Variants in SHTN1 observed in about 807,000 individuals in gnomAD.
The protein encoded by SHTN1 is shootin-1.
Under a neutral mutation model 83.1 loss-of-function variants are expected in SHTN1, and 42 were observed. That is an observed-to-expected ratio of 0.51 (90% CI 0.39 to 0.65). SHTN1 has a LOEUF of 0.65. Ranked by LOEUF, SHTN1 falls within the 30% of genes least tolerant of loss-of-function variation. The pLI, the probability that SHTN1 is intolerant of heterozygous loss-of-function variation, is 0.00. For missense variants in SHTN1, 622 were observed against 737.8 expected (o/e 0.84, Z 1.82); for synonymous variants, 224 against 247.7 (o/e 0.90, Z 0.90).
At chr10:116,911,372 T>C (rs941712974) in intron 14 of SHTN1, 2 of 1,269,942 alleles carry the variant, frequency 1.6e-6, no homozygotes, top group Non-Finnish European at 1.1e-6. Flanking sequence ...GACCCTGATA[T>C]GAAGCTATTT....
rs1434283020 is a variant in SHTN1 at position 116,885,753 on chromosome 10, A to G, written c.*591T>C. On this transcript the variant is annotated 3_prime_UTR_variant, in exon 17 of 17. Coordinates refer to ENST00000355371, the MANE Select transcript of SHTN1 (RefSeq NM_001127211.3). ...ATCAATAGCATGTATTTTTCATCCAATAGTTAACAATGTGTGTAATTAACA... is the reference window on the plus strand; with the variant it reads ...ATCAATAGCATGTATTTTTCATCCAGTAGTTAACAATGTGTGTAATTAACA... The G allele has an allele frequency of 6.6e-6, 1 of 152,652 alleles. No individual in the cohort carries two copies. The highest frequency in any genetic ancestry group is 1.5e-5 in the Non-Finnish European group (1 of 68,390). 9.5% of individuals were successfully genotyped at this position (152,652 alleles called of 1,614,324 possible).
At chr10:116,919,622 C>T (rs1175755422) in intron 12 of SHTN1, among the ~76,000 whole-genome samples, 1 of 152,054 alleles carries the variant, frequency 6.6e-6, no homozygotes, top group Non-Finnish European at 1.5e-5. Context: ...CAATTTCCCC[C>T]CAACCCTCTA....
In SHTN1 at chr10:116,921,492, T is replaced by C. The variant is rs1848565056; in HGVS notation, c.1137A>G (p.Lys379=). ...CACCACTGCCACTGGGGTGGGATCG[T>C]TTCCGGATCATGGACATGAGGGATC... ...PIRSLMSMIR[K]RSHPSGSGAK... is the part of the protein sequence containing the mutation. The change falls in exon 12 of 17, where the codon AAA becomes AAG. Residue 379 remains lysine (K), a synonymous_variant. Coordinates refer to ENST00000355371, the MANE Select transcript of SHTN1 (RefSeq NM_001127211.3). 8 of 1,613,726 alleles carry C rather than the reference T, an allele frequency of 5.0e-6. No homozygotes were observed. The highest frequency in any genetic ancestry group is 5.9e-6 in the Non-Finnish European group (7 of 1,179,788).
chr10:116,908,044 T>C (rs867128425), intron 14 of SHTN1: 2 of 442,762 alleles, frequency 4.5e-6, no homozygotes, highest in East Asian at 1.4e-4. Flanking sequence ...TGGTTACAAA[T>C]CTCATAATTA....
At chr10:116,888,547 C>A (rs1847234507) in intron 16 of SHTN1, among the ~76,000 whole-genome samples, 2 of 152,160 alleles carry the variant, frequency 1.3e-5, no homozygotes, top group African/African-American at 4.8e-5. Context: ...TAGAGCTGCA[C>A]CTATCTCTCT....
chr10:116,906,024 G>A (rs1847955582), intron 15 of SHTN1, among the ~76,000 whole-genome samples: 1 of 152,200 alleles, frequency 6.6e-6, no homozygotes, highest in African/African-American at 2.4e-5. Flanking sequence ...TCACAGGCAG[G>A]CACAGTAAGT....
intron 16 of SHTN1, among the ~76,000 whole-genome samples, chr10:116,896,221 A>G (rs138924537): frequency 6.7e-4 from 102 of 152,324 alleles, no homozygotes; most frequent in African/African-American, 2.3e-3. Flanking sequence ...AGATTTATGC[A>G]TTCTGTTGAT....
intron 16 of SHTN1, among the ~76,000 whole-genome samples, chr10:116,889,097 C>T (rs1847254140): frequency 6.6e-6 from 1 of 152,228 alleles, no homozygotes. Flanking sequence ...TACTAACCTT[C>T]ATCACTTCTG....
At chr10:116,907,965 C>A (rs1848040418) in intron 14 of SHTN1, 1 of 504,990 alleles carries the variant, frequency 2.0e-6, no homozygotes, top group African/African-American at 1.9e-5. Context: ...GTTGTTTTAG[C>A]CATTTTTACA....
At chr10:116,895,164 T>C (rs756832459) in intron 16 of SHTN1, among the ~76,000 whole-genome samples, 5 of 152,226 alleles carry the variant, frequency 3.3e-5, no homozygotes, top group African/African-American at 7.2e-5. Context: ...CTTTGTATTA[T>C]CATATTATCA....
chr10:116,994,797 G>T (rs140744810), intron 1 of SHTN1, among the ~76,000 whole-genome samples: 1 of 152,100 alleles, frequency 6.6e-6, no homozygotes, highest in African/African-American at 2.4e-5. Context: ...AATTGTAAAT[G>T]ATGTCTTTTT....
At chr10:116,992,852 T>C (rs1360535077) in intron 1 of SHTN1, among the ~76,000 whole-genome samples, 1 of 152,172 alleles carries the variant, frequency 6.6e-6, no homozygotes, top group Non-Finnish European at 1.5e-5. Flanking sequence ...AATGCATTTT[T>C]GAGGCCTCTT....
chr10:117,041,341 C>T (rs1468690949), intron 2 of SHTN1, among the ~76,000 whole-genome samples: 1 of 151,976 alleles, frequency 6.6e-6, no homozygotes, highest in Non-Finnish European at 1.5e-5. Flanking sequence ...TGTGACTCCT[C>T]GAATTTAGTA....
chr10:116,909,310 G>A (rs1033130747), intron 14 of SHTN1, among the ~76,000 whole-genome samples: 6 of 152,118 alleles, frequency 3.9e-5, no homozygotes, highest in Non-Finnish European at 8.8e-5. Context: ...TAATCTAATT[G>A]TCAGGCAAAA....
Position 116,930,015 on chromosome 10 carries a change from TAA to T in SHTN1, c.859-15_859-14del. 7 of 1,380,544 alleles carry T rather than the reference TAA, an allele frequency of 5.1e-6. No individual in the cohort carries two copies. The highest frequency in any genetic ancestry group is 5.2e-5 in the East Asian group (2 of 38,648). The allele number at this position is 1,380,544 out of a possible 1,614,324, so 85.5% of individuals were successfully genotyped here. A position where few individuals can be genotyped will look rare whatever the true frequency, so the allele number is the denominator to read the frequency against. ...CTAATTCTTTGACCTATAAGTTATT[TAA>T]AAAAAAAAGACTTTTATGGCTGACA... is the stretch of plus-strand genomic sequence containing the variant. On this transcript the variant is annotated splice_polypyrimidine_tract_variant and intron_variant, in intron 9 of 16. Transcript: ENST00000355371.
intron 2 of SHTN1, among the ~76,000 whole-genome samples, chr10:117,030,809 A>G (rs571375236): frequency 8.5e-5 from 13 of 152,204 alleles, no homozygotes; most frequent in South Asian, 6.2e-4. Context: ...TACTTGGCAG[A>G]GGAGATAAAA....
chr10:116,884,405 G>A lies in SHTN1; in HGVS notation c.*1939C>T, dbSNP rs1468254553. On this transcript the variant is annotated 3_prime_UTR_variant, in exon 17 of 17. Coordinates refer to ENST00000355371, the MANE Select transcript of SHTN1 (RefSeq NM_001127211.3). ...TGCTTTGTAATCACAGTGAGAGAAA[G>A]TAAGCAGCTTAAAAAAGGCAGGAAT... is the stretch of plus-strand genomic sequence containing the variant. 1 of 378,518 alleles carries A rather than the reference G, an allele frequency of 2.6e-6. No individual in the cohort carries two copies. Among genetic ancestry groups the A allele is most frequent in the Non-Finnish European group, 5.4e-6 (1 of 185,606 alleles). 23.4% of individuals were successfully genotyped at this position (378,518 alleles called of 1,614,324 possible).
chr10:116,969,696 G>C (rs965446561), intron 2 of SHTN1, among the ~76,000 whole-genome samples: 4 of 152,262 alleles, frequency 2.6e-5, no homozygotes, highest in African/African-American at 9.6e-5. Context: ...AGAGCATAAG[G>C]ACCTTTTAGG....
rs1385884136 is a variant in SHTN1, at chr10:116,885,889, C to A, written c.*455G>T. The A allele has an allele frequency of 1.2e-5, 2 of 161,888 alleles. No individual in the cohort carries two copies. Among genetic ancestry groups the A allele is most frequent in the Non-Finnish European group, 2.7e-5 (2 of 74,078 alleles). 10.0% of individuals were successfully genotyped at this position (161,888 alleles called of 1,614,324 possible). On this transcript the variant is annotated 3_prime_UTR_variant, in exon 17 of 17. Coordinates refer to ENST00000355371, the MANE Select transcript of SHTN1 (RefSeq NM_001127211.3). ...GTACCCAACAATTTCCATGCTGCTG[C>A]AGTTTCTCCATCAAGAGGATCAGAC...
Sources: allele counts gnomAD v4.1 joint callset (sites outside exome capture counted in the v4.1 genomes callset), GRCh38; gene constraint gnomAD v4.1.1; transcripts MANE v1.5; gene names NCBI Gene and HGNC (gene_info 2026-07-23, HGNC 2026-07-21).